MAP2: variants seen among roughly 807,000 people sequenced by gnomAD.
The protein encoded by MAP2 is microtubule-associated protein 2.
A neutral mutation model predicts 137.6 loss-of-function variants in MAP2; 14 were observed. The observed-to-expected ratio is 0.10, with a 90% CI of 0.07 to 0.16. MAP2 has a LOEUF of 0.16. Ranked by LOEUF, MAP2 falls within the 10% of genes least tolerant of loss-of-function variation. The pLI, the probability that MAP2 is intolerant of heterozygous loss-of-function variation, is 1.00. For synonymous variants in MAP2, 786 were observed against 782.3 expected, an observed-to-expected ratio of 1.00 and a Z score of -0.08; for missense variants, 2,088 against 2,191.5, an observed-to-expected ratio of 0.95 and a Z score of 0.94.
chr2:209,503,337 G>GCA (rs1164315271), intron 1 of MAP2, among the ~76,000 whole-genome samples: 2 of 151,834 alleles, frequency 1.3e-5, no homozygotes, highest in Non-Finnish European at 2.9e-5. Context: ...CAGATATATG[G>GCA]TTTGCAAATA....
At chr2:209,565,828 T>A (rs2073283782) in intron 2 of MAP2, among the ~76,000 whole-genome samples, 1 of 152,172 alleles carries the variant, frequency 6.6e-6, no homozygotes, top group African/African-American at 2.4e-5. Flanking sequence ...AAGGTCACAA[T>A]GTAGGATTGT....
Position 209,664,077 on chromosome 2 carries a change from T to C in MAP2, c.262+10645T>C, listed in dbSNP as rs150618005. ...CCATGTTTATATCTTGCTAATACAA[T>C]TGATCATAGCAATCATTTTACTGAG... On this transcript the variant is annotated intron_variant, in intron 5 of 15. Transcript: ENST00000682079. Among the ~76,000 whole-genome samples, 113 of 152,362 alleles carry C rather than the reference T, an allele frequency of 7.4e-4. 2 individuals are homozygous for C. In the East Asian group the frequency reaches 0.019, roughly 26 times the overall value.
intron 14 of MAP2, among the ~76,000 whole-genome samples, chr2:209,726,867 A>C (rs1377819585): frequency 6.6e-6 from 1 of 152,220 alleles, no homozygotes; most frequent in Non-Finnish European, 1.5e-5. Context: ...CTTTGAGAAC[A>C]AAAGGAAAGC....
chr2:209,708,025 C>A (rs1268619829), intron 12 of MAP2, among the ~76,000 whole-genome samples: 7 of 152,142 alleles, frequency 4.6e-5, no homozygotes, highest in Admixed American at 6.6e-5. Flanking sequence ...ACATGAAAGT[C>A]ACCAGGGCTA....
At chr2:209,705,395 A>G (rs766167865) in intron 11 of MAP2, 185 bp from the exon 12 acceptor site, 1 of 397,290 alleles carries the variant, frequency 2.5e-6, no homozygotes. Context: ...TTTACAAAAC[A>G]TCTAGGCAAA....
chr2:209,647,886 G>T (rs1355193833), intron 4 of MAP2, among the ~76,000 whole-genome samples: 1 of 152,044 alleles, frequency 6.6e-6, no homozygotes, highest in African/African-American at 2.4e-5. Flanking sequence ...CAAATATCAA[G>T]ACAAAATTGT....
At chr2:209,590,072 G>T (rs887719983) in intron 3 of MAP2, among the ~76,000 whole-genome samples, 1 of 152,024 alleles carries the variant, frequency 6.6e-6, no homozygotes. Context: ...GTCCACCAAG[G>T]CCATGCTCAG....
chr2:209,555,327 G>T (rs923165095), intron 2 of MAP2, among the ~76,000 whole-genome samples: 3 of 152,028 alleles, frequency 2.0e-5, no homozygotes, highest in African/African-American at 7.2e-5. Flanking sequence ...AGATGCCAGC[G>T]AATATTCACT....
chr2:209,636,706 G>C (rs943778937), intron 4 of MAP2, among the ~76,000 whole-genome samples: 1 of 151,798 alleles, frequency 6.6e-6, no homozygotes, highest in Non-Finnish European at 1.5e-5. Flanking sequence ...TGTAAGATTT[G>C]ACTGAAACAT....
At chr2:209,618,301 A>G (rs1402579130) in intron 3 of MAP2, among the ~76,000 whole-genome samples, 2 of 152,204 alleles carry the variant, frequency 1.3e-5, no homozygotes, top group Non-Finnish European at 2.9e-5. Context: ...CAAAAGAACT[A>G]GTCTAAGAAA....
At chr2:209,552,685 A>G (rs2069471874) in intron 2 of MAP2, among the ~76,000 whole-genome samples, 1 of 151,978 alleles carries the variant, frequency 6.6e-6, no homozygotes, top group South Asian at 2.1e-4. Flanking sequence ...ACATAGTGAA[A>G]CCCCATCTCT....
intron 3 of MAP2, among the ~76,000 whole-genome samples, chr2:209,592,176 GTCATCTAA>G (rs2153433176): frequency 6.6e-6 from 1 of 152,170 alleles, no homozygotes; most frequent in South Asian, 2.1e-4. Flanking sequence ...GGCTTTGAGG[GTCATCTAA>G]TCACCATCAC....
At chr2:209,491,414 A>G (rs1286635001) in intron 1 of MAP2, among the ~76,000 whole-genome samples, 1 of 152,190 alleles carries the variant, frequency 6.6e-6, no homozygotes, top group Non-Finnish European at 1.5e-5. Context: ...AACAAATTCA[A>G]AAGCTAGCAG....
chr2:209,488,825 C>T (rs932974071), intron 1 of MAP2, among the ~76,000 whole-genome samples: 10 of 152,124 alleles, frequency 6.6e-5, no homozygotes, highest in South Asian at 2.1e-4. Flanking sequence ...CTCCCTGCAA[C>T]GGAGCACCTG....
At chr2:209,475,128 C>G (rs1461516016) in intron 1 of MAP2, among the ~76,000 whole-genome samples, 1 of 152,038 alleles carries the variant, frequency 6.6e-6, no homozygotes, top group Non-Finnish European at 1.5e-5. Context: ...TAAACACAAT[C>G]TGTTACAGTA....
At chr2:209,648,621 CAAAA>C (rs1228232293) in intron 4 of MAP2, among the ~76,000 whole-genome samples, 8 of 51,036 alleles carry the variant, frequency 1.6e-4, no homozygotes, top group Non-Finnish European at 2.6e-4. Flanking sequence ...ACTAAAAATA[CAAAA>C]AAAAAAAAAA....
chr2:209,670,254 A>G (rs1044786954), intron 5 of MAP2, among the ~76,000 whole-genome samples: 1 of 152,020 alleles, frequency 6.6e-6, no homozygotes, highest in African/African-American at 2.4e-5. Context: ...GCTACAAACA[A>G]CATAAACATG....
chr2:209,470,047 C>G (rs961049985), intron 1 of MAP2, among the ~76,000 whole-genome samples: 3 of 152,146 alleles, frequency 2.0e-5, no homozygotes, highest in Admixed American at 6.5e-5. Context: ...AGCCCACCTA[C>G]CAGTTTTATT....
At chr2:209,631,005 CAAAAAAAAA>C (rs776266690) in intron 4 of MAP2, among the ~76,000 whole-genome samples, 3,446 of 41,884 alleles carry the variant, frequency 0.082, 20 homozygotes, top group Non-Finnish European at 0.12. Flanking sequence ...GAGCTACAAG[CAAAAAAAAA>C]AAAAAAAAAA....
Sources: allele counts gnomAD v4.1 joint callset (sites outside exome capture counted in the v4.1 genomes callset), GRCh38; gene constraint gnomAD v4.1.1; transcripts MANE v1.5; gene names NCBI Gene and HGNC (gene_info 2026-07-23, HGNC 2026-07-21).